RANBP2: variants seen among roughly 807,000 people sequenced by gnomAD.
The protein encoded by RANBP2 is E3 SUMO-protein ligase RanBP2.
RANBP2 carries 57 observed loss-of-function variants against 303.6 expected under a neutral mutation model. That is an observed-to-expected ratio of 0.19 (90% CI 0.15 to 0.23). The LOEUF is 0.23. Among genes scored for constraint, RANBP2 ranks in the 10% least tolerant of loss-of-function variants. The pLI is 1.00. For synonymous variants in RANBP2, 1,167 were observed against 1,301.5 expected (o/e 0.90, Z 2.23); for missense variants, 3,138 against 3,780.8 (o/e 0.83, Z 4.46).
the RANBP2 span, among the ~76,000 whole-genome samples, chr2:108,825,266 G>A: frequency 1.1e-5 from 1 of 93,390 alleles, no homozygotes; most frequent in African/African-American, 2.7e-5. Context: ...TTGTTCTGGT[G>A]GTGGGTTTTT....
chr2:109,324,845 G>A, the RANBP2 span, among the ~76,000 whole-genome samples: 56,039 of 152,072 alleles, frequency 0.37, 11,905 homozygotes, highest in Non-Finnish European at 0.48. Flanking sequence ...CTCTCCTTGA[G>A]GTGTGTGCAA....
At chr2:109,087,880 T>G in the RANBP2 span, among the ~76,000 whole-genome samples, 1 of 152,150 alleles carries the variant, frequency 6.6e-6, no homozygotes, top group African/African-American at 2.4e-5. Flanking sequence ...GCATGGTGGT[T>G]CTAGCACCAG....
chr2:109,586,917 A>G, the RANBP2 span, among the ~76,000 whole-genome samples: 1 of 152,210 alleles, frequency 6.6e-6, no homozygotes, highest in Admixed American at 6.5e-5. Context: ...CTGTTAGAAC[A>G]AAGTTCAAGA....
At chr2:109,414,862 A>G in the RANBP2 span, among the ~76,000 whole-genome samples, 2 of 152,194 alleles carry the variant, frequency 1.3e-5, no homozygotes, top group African/African-American at 4.8e-5. Context: ...TTGTTGGTGG[A>G]GAAGGGACTG....
chr2:109,463,645 C>T, the RANBP2 span, among the ~76,000 whole-genome samples: 3 of 152,204 alleles, frequency 2.0e-5, no homozygotes, highest in Non-Finnish European at 2.9e-5. Context: ...AAGAAGCCAT[C>T]AGACCCTGAG....
chr2:109,013,582 AT>A, the RANBP2 span, among the ~76,000 whole-genome samples: 15 of 151,706 alleles, frequency 9.9e-5, no homozygotes, highest in Non-Finnish European at 2.1e-4. Context: ...GTGCAAGGCA[AT>A]CTCTTTCCAA....
downstream of RANBP2, chr2:108,788,937 C>A (rs1679434282): frequency 5.6e-6 from 9 of 1,614,060 alleles, no homozygotes; most frequent in Non-Finnish European, 7.6e-6. Context: ...CACCATTGGG[C>A]AGCTTATTCA....
the RANBP2 span, among the ~76,000 whole-genome samples, chr2:108,984,041 G>GTCTTGA: frequency 6.6e-6 from 1 of 152,208 alleles, no homozygotes; most frequent in Non-Finnish European, 1.5e-5. Context: ...AACTTATTGA[G>GTCTTGA]TCTTGATAAT....
chr2:109,333,960 T>C, the RANBP2 span, among the ~76,000 whole-genome samples: 1 of 152,218 alleles, frequency 6.6e-6, no homozygotes, highest in Non-Finnish European at 1.5e-5. Context: ...TCAGAGTACT[T>C]TCTGACAAGT....
chr2:108,877,402 G>A, the RANBP2 span, among the ~76,000 whole-genome samples: 2 of 152,070 alleles, frequency 1.3e-5, no homozygotes, highest in South Asian at 2.1e-4. Context: ...GGAGGCAGAG[G>A]TTCCAGTGAG....
the RANBP2 span, among the ~76,000 whole-genome samples, chr2:109,246,542 G>T: frequency 1.3e-5 from 2 of 152,206 alleles, no homozygotes; most frequent in Admixed American, 1.3e-4. Context: ...ATACTCCAAG[G>T]AATATCATGC....
the RANBP2 span, among the ~76,000 whole-genome samples, chr2:109,457,084 A>C: frequency 6.6e-6 from 1 of 152,234 alleles, no homozygotes; most frequent in Non-Finnish European, 1.5e-5. Context: ...TCCACCTTCC[A>C]TGCCTCAGTT....
At chr2:109,226,772 T>C in the RANBP2 span, among the ~76,000 whole-genome samples, 1 of 152,276 alleles carries the variant, frequency 6.6e-6, no homozygotes, top group Admixed American at 6.5e-5. Flanking sequence ...TAGACATGCT[T>C]TGTGCCATTA....
At chr2:108,888,497 G>A in the RANBP2 span, among the ~76,000 whole-genome samples, 4 of 151,946 alleles carry the variant, frequency 2.6e-5, no homozygotes, top group South Asian at 2.1e-4. Context: ...TTAGTCCTGG[G>A]CTTTTTTTGT....
At chr2:109,522,191 C>T in the RANBP2 span, among the ~76,000 whole-genome samples, 2 of 151,864 alleles carry the variant, frequency 1.3e-5, no homozygotes, top group Non-Finnish European at 2.9e-5. Flanking sequence ...TTTGTTTCTC[C>T]GGTGATCTGT....
chr2:109,149,227 G>C, the RANBP2 span, among the ~76,000 whole-genome samples: 104,255 of 151,926 alleles, frequency 0.69, 36,691 homozygotes, highest in Non-Finnish European at 0.72. Flanking sequence ...GCTTTTATTC[G>C]GACTTCTCTA....
At chr2:109,253,683 A>G in the RANBP2 span, among the ~76,000 whole-genome samples, 1 of 152,140 alleles carries the variant, frequency 6.6e-6, no homozygotes, top group African/African-American at 2.4e-5. Flanking sequence ...TTTGGAAAGG[A>G]ATTTGGCTGT....
the RANBP2 span, among the ~76,000 whole-genome samples, chr2:109,140,672 T>C: frequency 9.2e-5 from 14 of 152,202 alleles, no homozygotes; most frequent in African/African-American, 3.1e-4. Context: ...TGAGCCACCA[T>C]GCCCGGCCAA....
the RANBP2 span, among the ~76,000 whole-genome samples, chr2:109,022,594 C>T: frequency 6.6e-6 from 1 of 152,124 alleles, no homozygotes; most frequent in African/African-American, 2.4e-5. Flanking sequence ...ACACTGGAGA[C>T]TCCAAAAGGT....
Sources: gnomAD v4.1 joint callset for allele counts (sites outside exome capture counted in the v4.1 genomes callset) on GRCh38, gnomAD v4.1.1 for gene constraint, MANE v1.5 for transcripts, NCBI Gene and HGNC (gene_info 2026-07-23, HGNC 2026-07-21) for gene names.